TBC1D5: variants seen among roughly 807,000 people sequenced by gnomAD.
TBC1D5 encodes TBC1 domain family member 5, also known as TBC1 domain family, member 5.
In TBC1D5, 75 loss-of-function variants were observed where a neutral mutation model predicts 100.3. The ratio of observed to expected loss-of-function variants is 0.75; its 90% CI spans 0.62 to 0.91. The LOEUF (loss-of-function observed/expected upper bound fraction) is 0.91. Ranked by LOEUF, TBC1D5 falls within the 40% of genes least tolerant of loss-of-function variation. The pLI is 0.00. For synonymous variants in TBC1D5, 323 were observed against 325.6 expected, an observed-to-expected ratio of 0.99 and a Z score of 0.09; for missense variants, 910 against 942.4, an observed-to-expected ratio of 0.97 and a Z score of 0.45.
chr3:17,355,419 T>A (rs961105055), intron 13 of TBC1D5, among the ~76,000 whole-genome samples: 2 of 152,134 alleles, frequency 1.3e-5, no homozygotes, highest in African/African-American at 2.4e-5. Flanking sequence ...TTCATTCAAG[T>A]ATGTCACTGG....
intron 1 of TBC1D5, among the ~76,000 whole-genome samples, chr3:17,691,668 T>G (rs2071180954): frequency 6.6e-6 from 1 of 151,726 alleles, no homozygotes; most frequent in Non-Finnish European, 1.5e-5. Context: ...AATACAAAAA[T>G]TAGTTGGGCA....
intron 2 of TBC1D5, among the ~76,000 whole-genome samples, chr3:17,511,483 T>TA (rs994582157): frequency 7.2e-5 from 11 of 152,060 alleles, no homozygotes; most frequent in African/African-American, 2.6e-4. Context: ...TTAAACTATA[T>TA]AAAAAATAGA....
Position 17,383,966 on chromosome 3 carries a change from T to TA in TBC1D5, c.558dup (p.Thr187TyrfsTer17). 6.2e-7 allele frequency: 1 copy of TA among 1,602,924 alleles called. No homozygotes were observed. The highest frequency in any genetic ancestry group is 8.5e-7 in the Non-Finnish European group (1 of 1,172,482). ...CTGGCATAACAGAAAAGAACATCTG[T>TA]AAGAATTTTTCTCACATTTTCTTGC... On this transcript the variant is annotated frameshift_variant, in exon 9 of 22. Coordinates refer to ENST00000253692, the Ensembl canonical transcript of TBC1D5. LOFTEE classifies it high-confidence loss of function.
At chr3:17,320,190 A>G (rs1398139376) in intron 13 of TBC1D5, among the ~76,000 whole-genome samples, 1 of 152,224 alleles carries the variant, frequency 6.6e-6, no homozygotes, top group Non-Finnish European at 1.5e-5. Context: ...AGGATCTTTG[A>G]TTACAAAGAA....
At chr3:17,689,104 T>C (rs1420451361) in intron 1 of TBC1D5, among the ~76,000 whole-genome samples, 1 of 151,666 alleles carries the variant, frequency 6.6e-6, no homozygotes, top group Non-Finnish European at 1.5e-5. Flanking sequence ...CTTTCCAAAA[T>C]CCCCATTATC....
In TBC1D5 at chr3:17,584,230, C is replaced by A. The variant is rs1438101006; in HGVS notation, c.-36+39619G>T. Among the ~76,000 whole-genome samples the A allele has an allele frequency of 2.6e-5, 4 of 152,176 alleles. No homozygotes were observed. The East Asian group carries it at 7.7e-4, about 29-fold the overall frequency. On this transcript the variant is annotated intron_variant, in intron 2 of 21. Coordinates refer to ENST00000253692, the Ensembl canonical transcript of TBC1D5. ...ACTGCTAAATGGGTAAGGTACTTTA[C>A]TTTGGCATGATGGAAATGTTCCAAA...
chr3:17,570,820 T>C (rs2096622512), intron 2 of TBC1D5, among the ~76,000 whole-genome samples: 1 of 152,036 alleles, frequency 6.6e-6, no homozygotes, highest in Admixed American at 6.6e-5. Context: ...TATTACATTA[T>C]TGTAATTATT....
intron 8 of TBC1D5, among the ~76,000 whole-genome samples, chr3:17,390,040 T>C (rs1397754093): frequency 6.6e-6 from 1 of 152,150 alleles, no homozygotes; most frequent in East Asian, 1.9e-4. Flanking sequence ...ATTTGGCTCA[T>C]GGATACTTAC....
At chr3:17,462,484 C>A (rs1034764484) in intron 3 of TBC1D5, among the ~76,000 whole-genome samples, 3 of 151,972 alleles carry the variant, frequency 2.0e-5, no homozygotes, top group Non-Finnish European at 4.4e-5. Context: ...CCACACTCAG[C>A]TAATTTTTAT....
At chr3:17,301,210 C>T (rs913173500) in intron 14 of TBC1D5, among the ~76,000 whole-genome samples, 2 of 151,586 alleles carry the variant, frequency 1.3e-5, no homozygotes, top group Admixed American at 6.6e-5. Context: ...ATGCAATTTA[C>T]AAGACAAATA....
intron 18 of TBC1D5, among the ~76,000 whole-genome samples, chr3:17,205,693 GA>G (rs2072071176): frequency 6.6e-6 from 1 of 152,122 alleles, no homozygotes; most frequent in African/African-American, 2.4e-5. Context: ...AGTGGGCATG[GA>G]ATTTAATTCT....
chr3:17,403,553 T>C (rs980355823), intron 7 of TBC1D5, among the ~76,000 whole-genome samples: 1 of 151,884 alleles, frequency 6.6e-6, no homozygotes, highest in African/African-American at 2.4e-5. Context: ...AAATTAAAAA[T>C]AGCAATACAA....
At chr3:17,525,292 G>C (rs1461337497) in intron 2 of TBC1D5, among the ~76,000 whole-genome samples, 1 of 152,060 alleles carries the variant, frequency 6.6e-6, no homozygotes, top group East Asian at 1.9e-4. Flanking sequence ...ACCATACCCA[G>C]CTAATTTTTT....
intron 14 of TBC1D5, among the ~76,000 whole-genome samples, chr3:17,293,441 GT>G (rs2150189911): frequency 6.6e-6 from 1 of 152,294 alleles, no homozygotes; most frequent in South Asian, 2.1e-4. Context: ...TTGTGGAAAA[GT>G]TTTGATCTCA....
chr3:17,278,027 G>A (rs776947705), intron 15 of TBC1D5, among the ~76,000 whole-genome samples: 1 of 152,184 alleles, frequency 6.6e-6, no homozygotes, highest in African/African-American at 2.4e-5. Context: ...AGTGTACAAT[G>A]AGCCCATGTT....
At chr3:17,718,519 C>A (rs776167799) in intron 1 of TBC1D5, among the ~76,000 whole-genome samples, 6 of 152,144 alleles carry the variant, frequency 3.9e-5, no homozygotes, top group Non-Finnish European at 8.8e-5. Context: ...ATGGCATGAA[C>A]CCTGGAGGCA....
At chr3:17,433,699 C>T (rs2094484422) in intron 3 of TBC1D5, among the ~76,000 whole-genome samples, 1 of 152,114 alleles carries the variant, frequency 6.6e-6, no homozygotes, top group South Asian at 2.1e-4. Context: ...GTCATGCCTT[C>T]CCAACAGTCC....
At chr3:17,388,324 G>T (rs1295797376) in intron 8 of TBC1D5, among the ~76,000 whole-genome samples, 3 of 151,964 alleles carry the variant, frequency 2.0e-5, no homozygotes, top group Admixed American at 2.0e-4. Flanking sequence ...GGCAATATAG[G>T]TTTAATTATA....
chr3:17,634,803 C>T (rs905687981), intron 1 of TBC1D5, among the ~76,000 whole-genome samples: 1 of 152,060 alleles, frequency 6.6e-6, no homozygotes, highest in Admixed American at 6.5e-5. Context: ...GTGATTATTA[C>T]ACATTCCATG....
Sources: gnomAD v4.1 joint callset for allele counts (sites outside exome capture counted in the v4.1 genomes callset) on GRCh38, gnomAD v4.1.1 for gene constraint, MANE v1.5 for transcripts, NCBI Gene and HGNC (gene_info 2026-07-23, HGNC 2026-07-21) for gene names.